SLX4IP: variants seen among roughly 807,000 people sequenced by gnomAD.
SLX4IP encodes the protein SLX4 interacting protein, also known as protein SLX4IP.
A neutral mutation model predicts 32.9 loss-of-function variants in SLX4IP; 34 were observed. That is an observed-to-expected ratio of 1.03 (90% CI 0.79 to 1.38). The LOEUF is 1.38. Ranked by LOEUF, SLX4IP falls within the 40% of genes most tolerant of loss-of-function variation. SLX4IP has a pLI of 0.00. For synonymous variants in SLX4IP, 172 were observed against 171.7 expected, an observed-to-expected ratio of 1.00 and a Z score of -0.01; for missense variants, 444 against 479.0, an observed-to-expected ratio of 0.93 and a Z score of 0.68.
intron 4 of SLX4IP, among the ~76,000 whole-genome samples, chr20:10,567,336 T>G (rs368367161): frequency 1.3e-5 from 2 of 152,326 alleles, no homozygotes; most frequent in South Asian, 4.1e-4. Flanking sequence ...AGTATTTGCA[T>G]ATGAAGGCAG....
At chr20:10,576,993 G>C (rs1361144719) in intron 4 of SLX4IP, among the ~76,000 whole-genome samples, 1 of 151,990 alleles carries the variant, frequency 6.6e-6, no homozygotes, top group Non-Finnish European at 1.5e-5. Flanking sequence ...TTTTAACCCT[G>C]TGTATTCTTA....
chr20:10,555,161 A>C, intron 2 of SLX4IP, among the ~76,000 whole-genome samples: 1 of 151,916 alleles, frequency 6.6e-6, no homozygotes, highest in South Asian at 2.1e-4. Flanking sequence ...TGTTGAAACT[A>C]CTTTCCTTTC....
At chr20:10,502,591 C>T (rs2065728276) in intron 2 of SLX4IP, among the ~76,000 whole-genome samples, 2 of 142,864 alleles carry the variant, frequency 1.4e-5, no homozygotes, top group African/African-American at 3.1e-5. Context: ...CTACAATGCT[C>T]TTCCCCCAGA....
intron 2 of SLX4IP, among the ~76,000 whole-genome samples, chr20:10,472,775 A>G (rs2065436840): frequency 6.6e-6 from 1 of 152,242 alleles, no homozygotes; most frequent in Non-Finnish European, 1.5e-5. Context: ...GTCACGACCC[A>G]GAAGGTGTTA....
At chr20:10,503,053 G>T (rs1433687146) in intron 2 of SLX4IP, among the ~76,000 whole-genome samples, 2 of 152,134 alleles carry the variant, frequency 1.3e-5, no homozygotes, top group Admixed American at 1.3e-4. Flanking sequence ...GTAGTGCCTT[G>T]TGCTGCCTTA....
rs2065099030 is a variant in SLX4IP, at chr20:10,435,316, C to T, written c.-167C>T. The T allele has an allele frequency of 6.6e-6, 1 of 152,220 alleles. No homozygotes were observed. The highest frequency in any genetic ancestry group is 2.4e-5 in the African/African-American group (1 of 41,416). 9.4% of individuals were successfully genotyped at this position (152,220 alleles called of 1,614,324 possible). ...GAGGAAGTAAGCGCGAAAGTGCTTC[C>T]CTTAAGCTTCTGAAGGTTGGCTGCA... is the stretch of plus-strand genomic sequence containing the variant. On this transcript the variant is annotated 5_prime_UTR_variant, in exon 1 of 8. Coordinates refer to ENST00000334534, the MANE Select transcript of SLX4IP (RefSeq NM_001009608.3).
intron 1 of SLX4IP, among the ~76,000 whole-genome samples, chr20:10,437,806 C>T (rs936259358): frequency 5.3e-5 from 8 of 152,102 alleles, no homozygotes; most frequent in Admixed American, 1.3e-4. Flanking sequence ...TATTAACATA[C>T]CTCATATTGT....
intron 2 of SLX4IP, among the ~76,000 whole-genome samples, chr20:10,553,007 G>A (rs949934931): frequency 6.6e-6 from 1 of 152,018 alleles, no homozygotes; most frequent in African/African-American, 2.4e-5. Context: ...GCTTTGGAAG[G>A]GCTTTTATTC....
chr20:10,622,439 C>T (rs2122573960), intron 7 of SLX4IP, among the ~76,000 whole-genome samples: 1 of 152,232 alleles, frequency 6.6e-6, no homozygotes, highest in East Asian at 1.9e-4. Flanking sequence ...GATTGATAAG[C>T]AGTATCATGT....
At chr20:10,621,460 G>C in intron 7 of SLX4IP, 46 bp downstream of exon 7, 2 of 1,521,162 alleles carry the variant, frequency 1.3e-6, no homozygotes, top group Non-Finnish European at 1.8e-6. Flanking sequence ...CTGTCTCTAT[G>C]TATGGATAGA....
chr20:10,570,821 G>A (rs971494603), intron 4 of SLX4IP, among the ~76,000 whole-genome samples: 1 of 151,952 alleles, frequency 6.6e-6, no homozygotes, highest in Admixed American at 6.6e-5. Flanking sequence ...GAGCCACCAC[G>A]CCCAGCCACA....
chr20:10,515,891 T>C (rs1294944078), intron 2 of SLX4IP, among the ~76,000 whole-genome samples: 2 of 152,144 alleles, frequency 1.3e-5, no homozygotes, highest in Non-Finnish European at 2.9e-5. Flanking sequence ...TTTTTTGTTG[T>C]TGTGGTTGTT....
chr20:10,438,102 T>C (rs1326429303), intron 1 of SLX4IP, among the ~76,000 whole-genome samples: 1 of 152,232 alleles, frequency 6.6e-6, no homozygotes, highest in Non-Finnish European at 1.5e-5. Flanking sequence ...TAAGGTTTTG[T>C]TTATGCATGC....
At chr20:10,478,568 G>A (rs1399841074) in intron 2 of SLX4IP, among the ~76,000 whole-genome samples, 7 of 152,164 alleles carry the variant, frequency 4.6e-5, no homozygotes, top group Non-Finnish European at 7.3e-5. Context: ...ATAGTGGTTT[G>A]TAATTTTAAA....
rs561673726 is a variant in SLX4IP at position 10,608,623 on chromosome 20, G to A, written c.405+6804G>A. 1.5e-3 allele frequency among the ~76,000 whole-genome samples: 216 copies of A among 144,538 alleles called. 1 individual carries two copies. The highest frequency in any genetic ancestry group is 5.4e-3 in the African/African-American group (210 of 38,690). 94.8% of individuals were successfully genotyped at this position (144,538 alleles called of 152,430 possible). On this transcript the variant is annotated intron_variant, in intron 6 of 7. Transcript: ENST00000334534. Reference sequence around the variant, plus strand: ...CAGGAGGCGGAGCTTGCAGTGAGCCGAGATTGCACCACTGCACTCCAGCCT... The same window carrying A: ...CAGGAGGCGGAGCTTGCAGTGAGCCAAGATTGCACCACTGCACTCCAGCCT...
intron 2 of SLX4IP, among the ~76,000 whole-genome samples, chr20:10,515,214 C>T (rs139141897): frequency 0.019 from 2,925 of 150,022 alleles, 77 homozygotes; most frequent in African/African-American, 0.057. Context: ...CCTCCCAAGT[C>T]GCTGGGATTA....
rs1390923220 is a variant in SLX4IP at position 10,626,181 on chromosome 20, AT to A, written c.*2808del. ...AGACGCTCGCCACCACGCCCGGCTA[AT>A]TTTTTGTATTTTTTTTTTTTTTTTT... On this transcript the variant is annotated 3_prime_UTR_variant, in exon 8 of 8. Transcript: ENST00000334534. 1.0e-5 allele frequency: 1 copy of A among 100,188 alleles called. No homozygotes were observed. Among genetic ancestry groups the A allele is most frequent in the Admixed American group, 1.1e-4 (1 of 8,884 alleles). The allele number at this position is 100,188 out of a possible 1,614,324, so 6.2% of individuals were successfully genotyped here.
At chr20:10,440,773 T>C (rs1482933732) in intron 1 of SLX4IP, among the ~76,000 whole-genome samples, 2 of 152,208 alleles carry the variant, frequency 1.3e-5, no homozygotes, top group Admixed American at 6.5e-5. Flanking sequence ...TTTTTTTCTA[T>C]GTAAAGGTGA....
At chr20:10,489,632 C>T (rs1294895373) in intron 2 of SLX4IP, among the ~76,000 whole-genome samples, 1 of 152,154 alleles carries the variant, frequency 6.6e-6, no homozygotes, top group Non-Finnish European at 1.5e-5. Context: ...TATTCCCTCT[C>T]CTCAACGTGC....
Sources: allele counts gnomAD v4.1 joint callset (sites outside exome capture counted in the v4.1 genomes callset), GRCh38; gene constraint gnomAD v4.1.1; transcripts MANE v1.5; gene names NCBI Gene and HGNC (gene_info 2026-07-23, HGNC 2026-07-21).